LIN7A: variants seen among roughly 807,000 people sequenced by gnomAD.
LIN7A encodes lin-7 cell polarity scaffold A, also known as protein lin-7 homolog A.
In LIN7A, 25 loss-of-function variants were observed where a neutral mutation model predicts 29.8. The observed-to-expected ratio is 0.84, with a 90% confidence interval of 0.61 to 1.17. The LOEUF (loss-of-function observed/expected upper bound fraction) is 1.17. LIN7A is among the 50% of genes most tolerant of loss of function. The pLI is 0.00. For missense variants in LIN7A, 239 were observed against 287.0 expected, an observed-to-expected ratio of 0.83 and a Z score of 1.21; for synonymous variants, 118 against 107.5, an observed-to-expected ratio of 1.10 and a Z score of -0.60.
chr12:80,828,094 C>T (rs140089551), intron 4 of LIN7A, among the ~76,000 whole-genome samples: 77 of 151,980 alleles, frequency 5.1e-4, no homozygotes, highest in African/African-American at 1.7e-3. Context: ...GAATGTATCC[C>T]CAAGGATTTG....
At chr12:80,895,415 G>A (rs1400683974) in intron 1 of LIN7A, among the ~76,000 whole-genome samples, 2 of 152,142 alleles carry the variant, frequency 1.3e-5, no homozygotes, top group African/African-American at 4.8e-5. Flanking sequence ...TTTAGACTGT[G>A]GAATTTGACT....
chr12:80,918,238 A>T (rs1012599416), intron 1 of LIN7A, among the ~76,000 whole-genome samples: 4 of 150,732 alleles, frequency 2.7e-5, no homozygotes, highest in African/African-American at 4.9e-5. Flanking sequence ...TTATTTTTTA[A>T]TTTTTTTTGT....
At chr12:80,816,522 A>G (rs1452600378) in intron 4 of LIN7A, among the ~76,000 whole-genome samples, 1 of 152,146 alleles carries the variant, frequency 6.6e-6, no homozygotes, top group Non-Finnish European at 1.5e-5. Flanking sequence ...TTGTATTACA[A>G]TAAACACAAG....
intron 2 of LIN7A, among the ~76,000 whole-genome samples, chr12:80,874,916 G>A (rs996979601): frequency 9.9e-5 from 15 of 152,180 alleles, no homozygotes; most frequent in African/African-American, 3.6e-4. Flanking sequence ...CAGGAGAATG[G>A]CATGAACCCA....
At chr12:80,917,830 G>A (rs746089471) in intron 1 of LIN7A, among the ~76,000 whole-genome samples, 5 of 152,048 alleles carry the variant, frequency 3.3e-5, no homozygotes, top group Admixed American at 1.3e-4. Flanking sequence ...CCTCATTCAC[G>A]TGTTGGTTTG....
intron 1 of LIN7A, among the ~76,000 whole-genome samples, chr12:80,895,396 C>T (rs933786403): frequency 2.0e-5 from 3 of 152,096 alleles, no homozygotes; most frequent in African/African-American, 4.8e-5. Flanking sequence ...TTCATGAACT[C>T]GATTGACATT....
intron 2 of LIN7A, among the ~76,000 whole-genome samples, chr12:80,878,131 C>T (rs1281261820): frequency 2.0e-5 from 3 of 152,130 alleles, no homozygotes. Flanking sequence ...CACTAACAGC[C>T]TTCAGAGTCA....
In LIN7A at chr12:80,848,277, C is replaced by T. The variant is rs779467317; in HGVS notation, c.247G>A (p.Glu83Lys). ...TTTGCTGTTGCCCTCGCACGGAATT[C>T]GGGACAGCCATTAACAGTTATCGTT... is the stretch of plus-strand genomic sequence containing the variant. ...HETITVNGCP[E>K]FRARATAKAT... The change falls in exon 3 of 6, where the codon GAA becomes AAA. Residue 83 changes from glutamate (E) to lysine (K), a missense_variant. Coordinates refer to ENST00000552864, the MANE Select transcript of LIN7A (RefSeq NM_004664.4). 15 of 1,613,088 alleles carry T rather than the reference C, an allele frequency of 9.3e-6. No individual in the cohort carries two copies. Among genetic ancestry groups the T allele is most frequent in the Middle Eastern group, 1.6e-4 (1 of 6,080 alleles).
chr12:80,891,676 C>T (rs1875633063), intron 1 of LIN7A, among the ~76,000 whole-genome samples: 2 of 152,112 alleles, frequency 1.3e-5, no homozygotes, highest in Admixed American at 1.3e-4. Flanking sequence ...AAATGAAGCA[C>T]TACAGGATTG....
intron 2 of LIN7A, among the ~76,000 whole-genome samples, chr12:80,882,080 G>A (rs1305440126): frequency 6.6e-6 from 1 of 151,894 alleles, no homozygotes; most frequent in Non-Finnish European, 1.5e-5. Context: ...ACATCTATCT[G>A]AAAATTTGGA....
rs149790810 is a variant in LIN7A, at chr12:80,795,421, T to A, written c.*2306A>T. The A allele has an allele frequency of 3.2e-4, 48 of 152,236 alleles. No homozygotes were observed. In the East Asian group the frequency reaches 8.3e-3, roughly 26 times the overall value. 9.4% of individuals were successfully genotyped at this position (152,236 alleles called of 1,614,324 possible). On this transcript the variant is annotated 3_prime_UTR_variant, in exon 6 of 6. Coordinates refer to ENST00000552864, the MANE Select transcript of LIN7A (RefSeq NM_004664.4). Reference sequence around the variant, plus strand: ...TGACAAACAATCTGGTATGCCTTTATCAGCACTTAACATTAACCAAATGAA... The same window carrying A: ...TGACAAACAATCTGGTATGCCTTTAACAGCACTTAACATTAACCAAATGAA...
intron 1 of LIN7A, among the ~76,000 whole-genome samples, chr12:80,934,324 A>G (rs1878086411): frequency 6.6e-6 from 1 of 152,194 alleles, no homozygotes; most frequent in African/African-American, 2.4e-5. Context: ...ACTGGGACCA[A>G]AGTCAATAAG....
chr12:80,857,486 C>T (rs1429308105), intron 2 of LIN7A, among the ~76,000 whole-genome samples: 1 of 152,090 alleles, frequency 6.6e-6, no homozygotes, highest in Non-Finnish European at 1.5e-5. Context: ...AGCACTGAAA[C>T]CTCATGTCTA....
At chr12:80,864,075 A>AT (rs1406247535) in intron 2 of LIN7A, among the ~76,000 whole-genome samples, 1 of 152,114 alleles carries the variant, frequency 6.6e-6, no homozygotes, top group Non-Finnish European at 1.5e-5. Context: ...TTATACAGAT[A>AT]TTTTTTCATT....
At chr12:80,877,782 A>G (rs777748531) in intron 2 of LIN7A, among the ~76,000 whole-genome samples, 1 of 152,110 alleles carries the variant, frequency 6.6e-6, no homozygotes, top group Non-Finnish European at 1.5e-5. Context: ...TTCATTTTAG[A>G]TGACTTGTAC....
At chr12:80,838,586 C>A (rs1872681480) in intron 4 of LIN7A, among the ~76,000 whole-genome samples, 3 of 152,268 alleles carry the variant, frequency 2.0e-5, no homozygotes. Flanking sequence ...TGATGTCATG[C>A]CGAGAATAAA....
intron 5 of LIN7A, among the ~76,000 whole-genome samples, chr12:80,798,825 C>T (rs915406012): frequency 6.6e-6 from 1 of 151,510 alleles, no homozygotes; most frequent in African/African-American, 2.4e-5. Context: ...CTTCACTTCC[C>T]AGACTCAAGC....
intron 2 of LIN7A, among the ~76,000 whole-genome samples, chr12:80,882,200 A>G (rs1318623039): frequency 2.0e-5 from 3 of 151,606 alleles, no homozygotes; most frequent in Non-Finnish European, 2.9e-5. Context: ...TGCAATGCTA[A>G]TGGTTTCTCT....
chr12:80,894,385 T>C (rs148485832), intron 1 of LIN7A, among the ~76,000 whole-genome samples: 62 of 152,294 alleles, frequency 4.1e-4, no homozygotes, highest in African/African-American at 9.6e-4. Context: ...CCACCTCTGA[T>C]GAATACCACT....
Sources: allele counts gnomAD v4.1 joint callset (sites outside exome capture counted in the v4.1 genomes callset), GRCh38; gene constraint gnomAD v4.1.1; transcripts MANE v1.5; gene names NCBI Gene and HGNC (gene_info 2026-07-23, HGNC 2026-07-21).